Variants in FILIP1L observed in about 807,000 individuals in gnomAD.
The protein encoded by FILIP1L is filamin A interacting protein 1 like.
In FILIP1L, 55 loss-of-function variants were observed where a neutral mutation model predicts 96.6. The observed-to-expected ratio is 0.57, with a 90% CI of 0.46 to 0.71. The LOEUF is 0.71. Ranked by LOEUF, FILIP1L falls within the 30% of genes least tolerant of loss-of-function variation. FILIP1L has a pLI of 0.00. For synonymous variants in FILIP1L, 467 were observed against 473.9 expected, an observed-to-expected ratio of 0.99 and a Z score of 0.19; for missense variants, 1,304 against 1,321.2, an observed-to-expected ratio of 0.99 and a Z score of 0.20.
chr3:99,833,404 T>A, intron 5 of FILIP1L: 3 of 656,286 alleles, frequency 4.6e-6, no homozygotes, highest in Non-Finnish European at 8.0e-6. Flanking sequence ...TAGAAGGCAT[T>A]GAGTCATAAT....
At chr3:100,030,328 A>G (rs1238070300) in intron 1 of FILIP1L, among the ~76,000 whole-genome samples, 2 of 152,154 alleles carry the variant, frequency 1.3e-5, no homozygotes, top group Non-Finnish European at 2.9e-5. Context: ...CCAAAACTAG[A>G]CAGTGGCTCC....
At chr3:99,941,907 A>G (rs1186522221) in intron 1 of FILIP1L, among the ~76,000 whole-genome samples, 1 of 152,210 alleles carries the variant, frequency 6.6e-6, no homozygotes, top group African/African-American at 2.4e-5. Context: ...TGTTGCCTTG[A>G]TAGCAGCTGG....
chr3:100,106,309 A>T (rs141151388), intron 1 of FILIP1L, among the ~76,000 whole-genome samples: 100 of 152,286 alleles, frequency 6.6e-4, no homozygotes, highest in African/African-American at 2.4e-3. Flanking sequence ...CTGAAAGCTC[A>T]GTCCTCTTCC....
At position 99,908,316 on chromosome 3, in the gene FILIP1L, A is replaced by G. The variant is rs186123568; in HGVS notation, c.605+15914T>C. ...TGCTATTTTCTATTGAAGGCAGATG[A>G]TTTGACTTAGACAACTATGTGACAA... On this transcript the variant is annotated intron_variant, in intron 4 of 5. Coordinates refer to ENST00000477258, the MANE Select transcript of FILIP1L (RefSeq NM_001387850.1). 3.8e-3 allele frequency among the ~76,000 whole-genome samples: 578 copies of G among 152,344 alleles called. 3 individuals are homozygous for G. The highest frequency in any genetic ancestry group is 0.013 in the African/African-American group (550 of 41,582).
At chr3:99,965,143 A>T (rs1576605722) in intron 1 of FILIP1L, among the ~76,000 whole-genome samples, 1 of 152,258 alleles carries the variant, frequency 6.6e-6, no homozygotes, top group Non-Finnish European at 1.5e-5. Context: ...AAGCAATGTT[A>T]ATCCTACTAG....
At chr3:100,014,634 T>C (rs1379618812) in intron 1 of FILIP1L, among the ~76,000 whole-genome samples, 1 of 152,120 alleles carries the variant, frequency 6.6e-6, no homozygotes, top group African/African-American at 2.4e-5. Context: ...CATTTGGATG[T>C]CTTCTTTTGA....
intron 1 of FILIP1L, among the ~76,000 whole-genome samples, chr3:99,992,486 T>G (rs1426964343): frequency 6.6e-6 from 1 of 151,886 alleles, no homozygotes; most frequent in Non-Finnish European, 1.5e-5. Context: ...AATGTCCATT[T>G]TTTTGCCTAC....
intron 3 of FILIP1L, chr3:99,926,030 A>C: frequency 1.0e-5 from 2 of 194,470 alleles, no homozygotes; most frequent in Non-Finnish European, 1.9e-5. Context: ...ATACAGATGC[A>C]GTAAGTGATA....
chr3:99,857,592 C>A (rs1301262524), intron 4 of FILIP1L, among the ~76,000 whole-genome samples: 1 of 152,176 alleles, frequency 6.6e-6, no homozygotes, highest in Non-Finnish European at 1.5e-5. Flanking sequence ...ATAATCTGAC[C>A]ACCCTAAAAC....
At chr3:99,838,810 TA>T (rs961293204) in intron 5 of FILIP1L, among the ~76,000 whole-genome samples, 8 of 152,206 alleles carry the variant, frequency 5.3e-5, no homozygotes, top group Admixed American at 5.2e-4. Flanking sequence ...AGGGTTGTTG[TA>T]AAATAAAATA....
In FILIP1L at chr3:99,830,099, T is replaced by TGA. The variant is rs1247499761; in HGVS notation, c.*313_*314dup. The TGA allele has an allele frequency of 6.4e-6, 1 of 156,960 alleles. No homozygotes were observed. Among genetic ancestry groups the TGA allele is most frequent in the Non-Finnish European group, 1.4e-5 (1 of 70,554 alleles). The allele number at this position is 156,960 out of a possible 1,614,324, so 9.7% of individuals were successfully genotyped here. A position where few individuals can be genotyped will look rare whatever the true frequency, so the allele number is the denominator to read the frequency against. On this transcript the variant is annotated 3_prime_UTR_variant, in exon 6 of 6. Coordinates refer to ENST00000477258, the MANE Select transcript of FILIP1L (RefSeq NM_001387850.1). ...ACTTCTGTTTTCACCAGAAAACTCTTGAACTGTTCTAGTGAATTCAGTCCT... is the reference window on the plus strand; with the variant it reads ...ACTTCTGTTTTCACCAGAAAACTCTTGAGAACTGTTCTAGTGAATTCAGTCCT...
chr3:99,903,868 G>T (rs112234003), intron 4 of FILIP1L, among the ~76,000 whole-genome samples: 2 of 151,958 alleles, frequency 1.3e-5, no homozygotes, highest in African/African-American at 2.4e-5. Context: ...TAGAGCTGTC[G>T]TCCCCTGCTG....
chr3:100,017,133 T>G (rs143399516), intron 1 of FILIP1L, among the ~76,000 whole-genome samples: 2 of 152,192 alleles, frequency 1.3e-5, no homozygotes, highest in Non-Finnish European at 2.9e-5. Flanking sequence ...TTCCTGAAAA[T>G]GTTTGTCATC....
intron 4 of FILIP1L, among the ~76,000 whole-genome samples, chr3:99,900,649 A>G (rs1345268394): frequency 6.6e-6 from 1 of 152,234 alleles, no homozygotes; most frequent in African/African-American, 2.4e-5. Flanking sequence ...GAACTTCCAT[A>G]AAGTACCAAA....
chr3:100,034,725 T>A (rs1053884234), intron 1 of FILIP1L, among the ~76,000 whole-genome samples: 1 of 152,144 alleles, frequency 6.6e-6, no homozygotes, highest in Non-Finnish European at 1.5e-5. Context: ...CTTGAAATAA[T>A]GTTGATAAAG....
intron 4 of FILIP1L, among the ~76,000 whole-genome samples, chr3:99,918,028 A>G (rs1707007036): frequency 6.6e-6 from 1 of 152,022 alleles, no homozygotes; most frequent in Admixed American, 6.6e-5. Flanking sequence ...CCCAGGCTGG[A>G]GTGCAGTGGC....
intron 1 of FILIP1L, among the ~76,000 whole-genome samples, chr3:100,010,716 G>A (rs1710123422): frequency 1.4e-5 from 2 of 143,646 alleles, no homozygotes; most frequent in South Asian, 4.6e-4. Flanking sequence ...CCGGGTTCAA[G>A]CAGTTCTCCT....
chr3:100,082,984 GT>G (rs2065954993), intron 1 of FILIP1L, among the ~76,000 whole-genome samples: 1 of 152,134 alleles, frequency 6.6e-6, no homozygotes. Context: ...TTTATTTAAT[GT>G]TTAGAAAAAT....
chr3:100,041,611 C>T (rs998629207), intron 1 of FILIP1L, among the ~76,000 whole-genome samples: 1 of 152,108 alleles, frequency 6.6e-6, no homozygotes, highest in Non-Finnish European at 1.5e-5. Context: ...ATAAAAATTA[C>T]AGGAAAGATG....
Sources: allele counts gnomAD v4.1 joint callset (sites outside exome capture counted in the v4.1 genomes callset), GRCh38; gene constraint gnomAD v4.1.1; transcripts MANE v1.5; gene names NCBI Gene and HGNC (gene_info 2026-07-23, HGNC 2026-07-21).